GRIK3: variants seen among roughly 807,000 people sequenced by gnomAD.
GRIK3 encodes the protein glutamate receptor ionotropic, kainate 3.
GRIK3 carries 29 observed loss-of-function variants against 102.5 expected under a neutral mutation model. The ratio of observed to expected loss-of-function variants is 0.28; its 90% CI spans 0.21 to 0.39. The LOEUF is 0.39. Ranked by LOEUF, GRIK3 falls within the 10% of genes least tolerant of loss-of-function variation. GRIK3 has a pLI of 1.00. For missense variants in GRIK3, 908 were observed against 1,252.4 expected (o/e 0.73, Z 4.15); for synonymous variants, 511 against 504.9 (o/e 1.01, Z -0.16).
At chr1:36,961,518 G>A (rs1291012591) in intron 1 of GRIK3, among the ~76,000 whole-genome samples, 1 of 152,172 alleles carries the variant, frequency 6.6e-6, no homozygotes, top group Non-Finnish European at 1.5e-5. Flanking sequence ...CACAGCCCAC[G>A]AGCAAGCACA....
At chr1:36,938,079 T>C (rs1386011313) in intron 1 of GRIK3, among the ~76,000 whole-genome samples, 1 of 152,232 alleles carries the variant, frequency 6.6e-6, no homozygotes, top group Admixed American at 6.5e-5. Context: ...CAGGCACTCA[T>C]GGACTGGTAA....
intron 1 of GRIK3, among the ~76,000 whole-genome samples, chr1:36,963,862 C>T (rs531153099): frequency 1.3e-5 from 2 of 152,206 alleles, no homozygotes; most frequent in South Asian, 2.1e-4. Context: ...CCAAAGCAGG[C>T]AATGCATGGA....
At chr1:37,023,833 G>A (rs1642739860) in intron 1 of GRIK3, among the ~76,000 whole-genome samples, 1 of 152,200 alleles carries the variant, frequency 6.6e-6, no homozygotes, top group South Asian at 2.1e-4. Flanking sequence ...GGTTAGAAGA[G>A]GGTGTAATCC....
rs1473814692 is a variant in GRIK3, at chr1:36,958,836, CTTGTGA to C, written c.116-67746_116-67741del. ...GCCTGTGTGCCCTGTGAGTCTGTGC[CTTGTGA>C]CTCTGTGCCCCATGAGCCTGTGTGT... On this transcript the variant is annotated intron_variant, in intron 1 of 15. Transcript: ENST00000373091. 8.8e-4 allele frequency among the ~76,000 whole-genome samples: 97 copies of C among 110,594 alleles called. 16 individuals carry two copies. Among genetic ancestry groups the C allele is most frequent in the Non-Finnish European group, 1.4e-3 (70 of 51,610 alleles). 72.6% of individuals were successfully genotyped at this position (110,594 alleles called of 152,430 possible). A position where few individuals can be genotyped will look rare whatever the true frequency, so the allele number is the denominator to read the frequency against.
intron 8 of GRIK3, among the ~76,000 whole-genome samples, chr1:36,851,461 T>A (rs1640584010): frequency 6.6e-6 from 1 of 152,224 alleles, no homozygotes; most frequent in South Asian, 2.1e-4. Flanking sequence ...TCGAAGAGGC[T>A]CTTCTCTTAA....
In GRIK3 at chr1:36,837,870, A is replaced by G. The variant is rs79124993; in HGVS notation, c.1530+3866T>C. On this transcript the variant is annotated intron_variant, in intron 10 of 15. Transcript: ENST00000373091. Reference sequence around the variant, plus strand: ...CAGAAAAGTCCAGTGCCCCAAGTAAAGTAAGAAGGTGGCACCTTGGTGGTG... The same window carrying G: ...CAGAAAAGTCCAGTGCCCCAAGTAAGGTAAGAAGGTGGCACCTTGGTGGTG... Among the ~76,000 whole-genome samples, 15 of 152,288 alleles carry G rather than the reference A, an allele frequency of 9.8e-5. No homozygotes were observed. The East Asian group carries it at 2.9e-3, about 29-fold the overall frequency.
In GRIK3 at chr1:36,800,909, T is replaced by A. The variant is rs1374542719; in HGVS notation, c.*942A>T. 1 of 152,176 alleles carries A rather than the reference T, an allele frequency of 6.6e-6. No homozygotes were observed. The highest frequency in any genetic ancestry group is 1.5e-5 in the Non-Finnish European group (1 of 68,040). The allele number at this position is 152,176 out of a possible 1,614,324, so 9.4% of individuals were successfully genotyped here. The stretch of plus-strand genomic sequence containing the variant: ...ATGGCAAAGAGCCCAGGTTTCCAAA[T>A]GTGAACAGGGTTTAGACAACAGCTT... On this transcript the variant is annotated 3_prime_UTR_variant, in exon 16 of 16. Coordinates refer to ENST00000373091, the MANE Select transcript of GRIK3 (RefSeq NM_000831.4).
intron 15 of GRIK3, among the ~76,000 whole-genome samples, chr1:36,803,485 C>T (rs1642464738): frequency 1.3e-5 from 2 of 152,082 alleles, no homozygotes; most frequent in Non-Finnish European, 2.9e-5. Context: ...TGCTGGAGTG[C>T]AGTGGCGTGA....
chr1:36,841,363 G>A (rs190474754), intron 10 of GRIK3, among the ~76,000 whole-genome samples: 1 of 152,190 alleles, frequency 6.6e-6, no homozygotes, highest in Admixed American at 6.5e-5. Context: ...TCTCATGTGG[G>A]TGCCTTGCCC....
chr1:36,890,077 G>A (rs1452260314), intron 2 of GRIK3, among the ~76,000 whole-genome samples: 2 of 152,106 alleles, frequency 1.3e-5, no homozygotes, highest in Admixed American at 6.5e-5. Context: ...AGGGGTCACG[G>A]GTGAAGGATC....
intron 1 of GRIK3, among the ~76,000 whole-genome samples, chr1:36,991,486 G>A (rs932308946): frequency 6.6e-6 from 1 of 152,206 alleles, no homozygotes; most frequent in African/African-American, 2.4e-5. Flanking sequence ...CTGTCCCAGA[G>A]GGTCACCTCC....
chr1:36,961,716 G>T (rs1642011680), intron 1 of GRIK3, among the ~76,000 whole-genome samples: 1 of 152,262 alleles, frequency 6.6e-6, no homozygotes, highest in South Asian at 2.1e-4. Context: ...AAATCATTTT[G>T]CCGAAGGATG....
intron 1 of GRIK3, among the ~76,000 whole-genome samples, chr1:37,023,557 A>G (rs1408063617): frequency 3.3e-5 from 5 of 152,200 alleles, no homozygotes; most frequent in Non-Finnish European, 7.3e-5. Context: ...AGCTCGTTAA[A>G]GTGTAGGATA....
At chr1:36,817,704 C>T (rs966218474) in intron 12 of GRIK3, among the ~76,000 whole-genome samples, 1 of 152,186 alleles carries the variant, frequency 6.6e-6, no homozygotes, top group Non-Finnish European at 1.5e-5. Context: ...CTTGGGTTCT[C>T]GAGTGAATCC....
chr1:36,964,549 T>G (rs914084511), intron 1 of GRIK3, among the ~76,000 whole-genome samples: 1 of 152,220 alleles, frequency 6.6e-6, no homozygotes, highest in African/African-American at 2.4e-5. Context: ...GGCTCTGACT[T>G]GGATACTTTC....
chr1:36,909,712 G>A (rs1641325118), intron 1 of GRIK3, among the ~76,000 whole-genome samples: 2 of 152,148 alleles, frequency 1.3e-5, no homozygotes, highest in South Asian at 2.1e-4. Context: ...TGGGCTCTGA[G>A]TGTGGCAAGA....
Position 36,804,785 on chromosome 1 carries a change from G to A in GRIK3, c.2565+202C>T, listed in dbSNP as rs143494956. On this transcript the variant is annotated intron_variant, in intron 15 of 15. Coordinates refer to ENST00000373091, the MANE Select transcript of GRIK3 (RefSeq NM_000831.4). Reference sequence around the variant, plus strand: ...TCCAGGCAGGAGGTGATGGGGCTTGGCCTGGGGTGGGGCAACGGCGATGGA... The same window carrying A: ...TCCAGGCAGGAGGTGATGGGGCTTGACCTGGGGTGGGGCAACGGCGATGGA... 719 of 643,820 alleles carry A rather than the reference G, an allele frequency of 1.1e-3. 7 individuals are homozygous for A. Among genetic ancestry groups the A allele is most frequent in the African/African-American group, 0.011 (602 of 54,726 alleles). The allele number at this position is 643,820 out of a possible 1,614,324, so 39.9% of individuals were successfully genotyped here.
At chr1:36,871,080 T>A (rs1413185257) in intron 4 of GRIK3, among the ~76,000 whole-genome samples, 1 of 152,132 alleles carries the variant, frequency 6.6e-6, no homozygotes, top group Non-Finnish European at 1.5e-5. Flanking sequence ...AAACTCCTGA[T>A]GTTTTCCTTG....
At chr1:36,849,958 T>A (rs1185961956) in intron 9 of GRIK3, 1 of 227,864 alleles carries the variant, frequency 4.4e-6, no homozygotes, top group Admixed American at 5.3e-5. Context: ...GGGTGACTTG[T>A]GGGAAAGGCT....
Sources: allele counts gnomAD v4.1 joint callset (sites outside exome capture counted in the v4.1 genomes callset), GRCh38; gene constraint gnomAD v4.1.1; transcripts MANE v1.5; gene names NCBI Gene and HGNC (gene_info 2026-07-23, HGNC 2026-07-21).